Variants in P4HTM observed in about 807,000 individuals in gnomAD.
The protein encoded by P4HTM is prolyl 4-hydroxylase, transmembrane.
A neutral mutation model predicts 55.3 loss-of-function variants in P4HTM; 33 were observed. That is an observed-to-expected ratio of 0.60 (90% confidence interval 0.45 to 0.80). The LOEUF (loss-of-function observed/expected upper bound fraction) is 0.80, where lower values mean the gene tolerates loss of function less well. Among genes scored for constraint, P4HTM ranks in the 30% least tolerant of loss-of-function variants. The probability of loss-of-function intolerance (pLI) is 0.00; values close to 1 mark genes in which losing one functional copy is unlikely to be tolerated. For missense variants in P4HTM, 542 were observed against 696.5 expected (o/e 0.78, Z 2.50); for synonymous variants, 272 against 286.4 (o/e 0.95, Z 0.51).
intron 2 of P4HTM, among the ~76,000 whole-genome samples, chr3:48,994,315 C>T (rs2092939223): frequency 6.6e-6 from 1 of 152,172 alleles, no homozygotes; most frequent in Admixed American, 6.5e-5. Context: ...GCTTCAGGGA[C>T]CCAAGATACC....
chr3:48,993,698 C>A (rs1300873085), intron 2 of P4HTM, among the ~76,000 whole-genome samples: 1 of 151,724 alleles, frequency 6.6e-6, no homozygotes, highest in Admixed American at 6.6e-5. Context: ...CCCGTCTCTA[C>A]TAAAAATACA....
chr3:49,001,571 GC>G lies in P4HTM; in HGVS notation c.571del (p.Leu191TrpfsTer32). 6.2e-7 allele frequency: 1 copy of G among 1,613,770 alleles called. No homozygotes were observed. The highest frequency in any genetic ancestry group is 1.3e-5 in the African/African-American group (1 of 75,062). On this transcript the variant is annotated frameshift_variant, in exon 3 of 9. Coordinates refer to ENST00000383729, the MANE Select transcript of P4HTM (RefSeq NM_177939.3). LOFTEE classifies it high-confidence loss of function. ...EAMSTMQVSQ[L>X]DLFRLLDQNR... ...CAATGAGCACTATGCAGGTCAGCCA[GC>G]TGGACCTCTTCCGGCTGCTGGACCA...
chr3:49,001,046 G>T, intron 2 of P4HTM: 1 of 289,352 alleles, frequency 3.5e-6, no homozygotes, highest in Non-Finnish European at 6.8e-6. Flanking sequence ...AAAGCAAGAA[G>T]CAGCCACCAT....
At chr3:49,005,251 G>A in intron 6 of P4HTM, 2 of 1,508,568 alleles carry the variant, frequency 1.3e-6, no homozygotes, top group Non-Finnish European at 1.8e-6. Context: ...CGTGACCACT[G>A]GAGTCAACAC....
intron 2 of P4HTM, among the ~76,000 whole-genome samples, chr3:48,993,853 C>G (rs2092937911): frequency 1.6e-5 from 2 of 128,156 alleles, no homozygotes; most frequent in Non-Finnish European, 3.2e-5. Context: ...CAGTGAGACT[C>G]CATCACAAAA....
chr3:49,001,246 C>T (rs909165353), intron 2 of P4HTM, 192 bp from the exon 3 acceptor site: 3 of 620,158 alleles, frequency 4.8e-6, no homozygotes, highest in Non-Finnish European at 5.8e-6. Context: ...ACATTTCCAA[C>T]GCCAGCCAGC....
rs768326579 is a variant in P4HTM, at chr3:49,005,728, G to A, written c.1074-49G>A. On this transcript the variant is annotated intron_variant, in intron 6 of 8. Coordinates refer to ENST00000383729, the MANE Select transcript of P4HTM (RefSeq NM_177939.3). ...TTATCCTGCCCACAGGTAAGCCCCT[G>A]GGAGCATCCACAACTGGGGACCTGC... 12 of 1,553,344 alleles carry A rather than the reference G, an allele frequency of 7.7e-6. No homozygotes were observed. In the East Asian group the frequency reaches 2.3e-4, roughly 29 times the overall value.
At position 49,002,154 on chromosome 3, in the gene P4HTM, C is replaced by T. The variant is rs2092962898; in HGVS notation, c.628-346C>T. ...AGGTCTCCCCCTGGTGCCTGTTCTC[C>T]CTTAACACCCAGGACTTGGCTTTCC... On this transcript the variant is annotated intron_variant, in intron 3 of 8. Coordinates refer to ENST00000383729, the MANE Select transcript of P4HTM (RefSeq NM_177939.3). The surrounding 1 kb of genome is among the most constrained non-coding windows in gnomAD (Gnocchi z 4.4). 6.6e-6 allele frequency among the ~76,000 whole-genome samples: 1 copy of T among 152,234 alleles called. No homozygotes were observed. Among genetic ancestry groups the T allele is most frequent in the Admixed American group, 6.5e-5 (1 of 15,288 alleles).
At chr3:48,990,108 C>A, upstream of P4HTM, 1 of 697,164 alleles carries the variant, frequency 1.4e-6, no homozygotes, top group Non-Finnish European at 1.8e-6. This position sits in a 1 kb window ranked among gnomAD's most constrained non-coding sequence, Gnocchi z 7.2. Context: ...CCGGCGCGGA[C>A]GCAGGCGGCT....
chr3:49,005,823 G>A lies in P4HTM; in HGVS notation c.1120G>A (p.Glu374Lys), dbSNP rs1450621189. The change falls in exon 7 of 9, where the codon GAG becomes AAG. Residue 374 changes from glutamate (E) to lysine (K), a missense_variant. Transcript: ENST00000383729. ...FYLNNVTGGG[E>K]TVFPVADNRT... ...TTTGAACAACGTCACTGGTGGGGGCGAGACTGTTTTCCCTGTAGCAGATAA... is the reference window on the plus strand; with the variant it reads ...TTTGAACAACGTCACTGGTGGGGGCAAGACTGTTTTCCCTGTAGCAGATAA... 5.7e-6 allele frequency: 9 copies of A among 1,581,056 alleles called. No individual in the cohort carries two copies. Among genetic ancestry groups the A allele is most frequent in the Admixed American group, 1.9e-5 (1 of 53,816 alleles).
rs755173723 is a variant in P4HTM at position 49,006,074 on chromosome 3, AGGATGACGT to A, written c.1179_1187del (p.Asp394_Asp396del). ...CCCTGCTGCCCACAGAGTCTGATTC[AGGATGACGT>A]GGACCTCCGTGACACACGGAGGCAC... On this transcript the variant is annotated inframe_deletion, in exon 8 of 9. Transcript: ENST00000383729. The A allele has an allele frequency of 6.2e-7, 1 of 1,612,324 alleles. No homozygotes were observed. The highest frequency in any genetic ancestry group is 8.5e-7 in the Non-Finnish European group (1 of 1,179,394).
intron 6 of P4HTM, 91 bp downstream of exon 6, chr3:49,005,137 T>C: frequency 6.2e-7 from 1 of 1,612,000 alleles, no homozygotes; most frequent in Non-Finnish European, 8.5e-7. Context: ...GCGTGCCCCT[T>C]GGCATGGGGC....
At chr3:49,006,550 T>G in intron 8 of P4HTM, 137 bp from the exon 9 acceptor site, 1 of 709,474 alleles carries the variant, frequency 1.4e-6, no homozygotes. Context: ...ATGAGGAGCC[T>G]CCAAGGAAGC....
intron 2 of P4HTM, chr3:48,997,594 C>T (rs2092949517): frequency 6.6e-6 from 1 of 152,200 alleles, no homozygotes; most frequent in Non-Finnish European, 1.5e-5. Context: ...CCCTAAACCC[C>T]CAAGAGTGTT....
chr3:49,004,131 ACCTTCG>A lies in P4HTM; in HGVS notation c.759_764del (p.Asp253_Arg255delinsGlu). ...AGTCTGCAGGAGTTCTCCAACATGGACCTTCGGGACTTCCACAAGTACATGAGGAGC... is the reference window on the plus strand; with the variant it reads ...AGTCTGCAGGAGTTCTCCAACATGGAGGACTTCCACAAGTACATGAGGAGC... On this transcript the variant is annotated inframe_deletion, in exon 5 of 9. Coordinates refer to ENST00000383729, the MANE Select transcript of P4HTM (RefSeq NM_177939.3). 1 of 1,554,976 alleles carries A rather than the reference ACCTTCG, an allele frequency of 6.4e-7. No individual in the cohort carries two copies. Among genetic ancestry groups the A allele is most frequent in the Non-Finnish European group, 8.7e-7 (1 of 1,149,690 alleles).
chr3:48,993,315 A>G (rs2092936320), intron 2 of P4HTM, among the ~76,000 whole-genome samples: 1 of 151,982 alleles, frequency 6.6e-6, no homozygotes, highest in African/African-American at 2.4e-5. Flanking sequence ...AAAAAAAAAA[A>G]AAAATCTGAG....
At position 48,990,893 on chromosome 3, in the gene P4HTM, A is replaced by G; in HGVS notation, c.415A>G (p.Ser139Gly). 1 of 1,613,726 alleles carries G rather than the reference A, an allele frequency of 6.2e-7. No individual in the cohort carries two copies. The highest frequency in any genetic ancestry group is 8.5e-7 in the Non-Finnish European group (1 of 1,179,818). Residue 139 changes from serine (S) to glycine (G), a missense_variant, in exon 2 of 9, where the codon AGC becomes GGC. By Grantham distance (56) the Ser-to-Gly change is moderately conservative. Around this residue, in one of 2 missense-constraint regions of P4HTM, gnomAD observed 536 missense variants for 672.1 expected, o/e 0.80. Transcript: ENST00000383729. The surrounding 1 kb of genome is among the most constrained non-coding windows in gnomAD (Gnocchi z 7.2). ...TDRDHFIRTL[S>G]LKPLLFEIPG... ...CAGGGATCACTTCATCCGAACCCTC[A>G]GCCTCAAGCCGCTGCTCTTCGGTAA...
Position 49,007,015 on chromosome 3 carries a change from C to A in P4HTM, c.*108C>A. The A allele has an allele frequency of 1.1e-6, 1 of 896,700 alleles. No individual in the cohort carries two copies. Among genetic ancestry groups the A allele is most frequent in the Non-Finnish European group, 1.7e-6 (1 of 587,162 alleles). The allele number at this position is 896,700 out of a possible 1,614,324, so 55.5% of individuals were successfully genotyped here. ...GACTAAAGGTCTGGCCAATGTCTTG[C>A]CCCACCCCGCCAGCCGCGATACGGC... On this transcript the variant is annotated 3_prime_UTR_variant, in exon 9 of 9. Transcript: ENST00000383729. The surrounding 1 kb of genome is among the most constrained non-coding windows in gnomAD (Gnocchi z 5.1).
rs200509192 is a variant in P4HTM at position 48,994,781 on chromosome 3, TTTTTG to T, written c.436+3892_436+3896del. Among the ~76,000 whole-genome samples the T allele has an allele frequency of 9.5e-4, 145 of 152,174 alleles. 1 individual carries two copies. The highest frequency in any genetic ancestry group is 7.7e-3 in the East Asian group (40 of 5,182). ...GCAGATCAGATCTCATGGCTCTCTC[TTTTTG>T]TTTTGTTTTGTTTTGTTTTGTTTTT... On this transcript the variant is annotated intron_variant, in intron 2 of 8. Coordinates refer to ENST00000383729, the MANE Select transcript of P4HTM (RefSeq NM_177939.3).
Sources: allele counts gnomAD v4.1 joint callset (sites outside exome capture counted in the v4.1 genomes callset), GRCh38; gene constraint gnomAD v4.1.1; regional missense constraint gnomAD v4.1.1; non-coding constraint Gnocchi (gnomAD v3.1); transcripts MANE v1.5; gene names NCBI Gene and HGNC (gene_info 2026-07-23, HGNC 2026-07-21).